The following EEA1 variants were observed in gnomAD, a reference collection of about 807,000 sequenced individuals.
The protein encoded by EEA1 is early endosome antigen 1.
Under a neutral mutation model 209.2 loss-of-function variants are expected in EEA1, and 111 were observed. The ratio of observed to expected loss-of-function variants is 0.53; its 90% CI spans 0.45 to 0.62. The LOEUF is 0.62. Ranked by LOEUF, EEA1 falls within the 20% of genes least tolerant of loss-of-function variation. EEA1 has a pLI of 0.00. For synonymous variants in EEA1, 536 were observed against 540.6 expected, an observed-to-expected ratio of 0.99 and a Z score of 0.12; for missense variants, 1,343 against 1,530.8, an observed-to-expected ratio of 0.88 and a Z score of 2.05.
At chr12:92,881,380 C>G (rs1879134734) in intron 2 of EEA1, among the ~76,000 whole-genome samples, 1 of 151,756 alleles carries the variant, frequency 6.6e-6, no homozygotes, top group Non-Finnish European at 1.5e-5. Context: ...CCACAATCAG[C>G]CTGGGCAACA....
At chr12:92,870,573 C>T (rs1820144490) in intron 2 of EEA1, among the ~76,000 whole-genome samples, 1 of 151,970 alleles carries the variant, frequency 6.6e-6, no homozygotes, top group African/African-American at 2.4e-5. Flanking sequence ...GGTGTTAAAA[C>T]AAAAATTGAG....
Position 92,832,679 on chromosome 12 carries a change from T to A in EEA1, c.1087A>T (p.Ile363Leu), listed in dbSNP as rs1310690090. 1.9e-6 allele frequency: 3 copies of A among 1,613,912 alleles called. No individual in the cohort carries two copies. The Admixed American group carries it at 5.0e-5, about 27-fold the overall frequency. Residue 363 changes from isoleucine to leucine, a missense_variant, in exon 11 of 29, where the codon ATA becomes TTA. Transcript: ENST00000322349. ...LSASETSLHR[I>L]HVELSEKGEA... ...CCTTTTTCACTTAGTTCTACATGTATTCTATGCAGTGAGGTTTCAGATGCA... is the reference window on the plus strand; with the variant it reads ...CCTTTTTCACTTAGTTCTACATGTAATCTATGCAGTGAGGTTTCAGATGCA...
intron 3 of EEA1, among the ~76,000 whole-genome samples, chr12:92,862,940 A>T (rs1221793246): frequency 2.6e-5 from 4 of 152,234 alleles, no homozygotes; most frequent in Admixed American, 2.6e-4. Context: ...CTCTGTTTTC[A>T]AAATGTCAAT....
At chr12:92,842,059 A>G (rs1171333730) in intron 10 of EEA1, among the ~76,000 whole-genome samples, 1 of 152,206 alleles carries the variant, frequency 6.6e-6, no homozygotes, top group Non-Finnish European at 1.5e-5. Flanking sequence ...AACACAAACG[A>G]ACCTTGAGGA....
chr12:92,889,156 T>TAAA (rs200345829), intron 2 of EEA1, among the ~76,000 whole-genome samples: 8 of 130,984 alleles, frequency 6.1e-5, no homozygotes, highest in African/African-American at 2.0e-4. Flanking sequence ...TCAAAAACAT[T>TAAA]AAAAAAAAAA....
intron 22 of EEA1, among the ~76,000 whole-genome samples, chr12:92,783,055 TG>T (rs1873974769): frequency 6.6e-6 from 1 of 152,298 alleles, no homozygotes; most frequent in African/African-American, 2.4e-5. Context: ...AATCAGTAAA[TG>T]TAAGTAAGTT....
At chr12:92,841,492 G>C (rs1359827206) in intron 10 of EEA1, among the ~76,000 whole-genome samples, 1 of 152,160 alleles carries the variant, frequency 6.6e-6, no homozygotes, top group South Asian at 2.1e-4. Flanking sequence ...CATTCCTACA[G>C]AATGGGATAA....
At chr12:92,820,337 C>A (rs1251359141) in intron 13 of EEA1, among the ~76,000 whole-genome samples, 12 of 152,164 alleles carry the variant, frequency 7.9e-5, no homozygotes, top group African/African-American at 2.9e-4. Context: ...ACCCAGCAAC[C>A]ATGTGGTACT....
chr12:92,800,173 G>T (rs1372457236), intron 20 of EEA1, among the ~76,000 whole-genome samples: 1 of 152,166 alleles, frequency 6.6e-6, no homozygotes, highest in Non-Finnish European at 1.5e-5. Flanking sequence ...AGTGAGCCGA[G>T]ATTGCGCCAC....
intron 1 of EEA1, among the ~76,000 whole-genome samples, chr12:92,909,752 G>T (rs1278400046): frequency 6.6e-6 from 1 of 152,088 alleles, no homozygotes; most frequent in Non-Finnish European, 1.5e-5. Context: ...CATGGTGGCT[G>T]ACACCTGTAA....
At chr12:92,798,388 T>G (rs963462088) in intron 21 of EEA1, among the ~76,000 whole-genome samples, 11 of 151,870 alleles carry the variant, frequency 7.2e-5, no homozygotes, top group African/African-American at 2.4e-4. Context: ...TCGCCCAGGC[T>G]GAAGTGCAGC....
intron 14 of EEA1, among the ~76,000 whole-genome samples, chr12:92,817,957 C>T (rs1018066722): frequency 7.2e-5 from 11 of 152,160 alleles, no homozygotes; most frequent in Non-Finnish European, 1.6e-4. Context: ...TTCTGATTGG[C>T]TGGAACCTGA....
At chr12:92,865,070 A>C in intron 2 of EEA1, 83 bp from the exon 3 acceptor site, 2 of 1,124,244 alleles carry the variant, frequency 1.8e-6, no homozygotes, top group Non-Finnish European at 2.4e-6. Context: ...ATATCACCAA[A>C]TGTCTGAATC....
intron 1 of EEA1, among the ~76,000 whole-genome samples, chr12:92,924,976 C>G (rs886239316): frequency 6.6e-6 from 1 of 151,732 alleles, no homozygotes; most frequent in Non-Finnish European, 1.5e-5. Flanking sequence ...GGAAGCCTTC[C>G]CAACATCTAA....
rs201228908 is a variant in EEA1, at chr12:92,887,000, AC to A, written c.117+4628del. 2.3e-3 allele frequency among the ~76,000 whole-genome samples: 99 copies of A among 43,786 alleles called. No homozygotes were observed. The South Asian group carries it at 0.041, about 18-fold the overall frequency. The allele number at this position is 43,786 out of a possible 152,430, so 28.7% of individuals were successfully genotyped here. A position where few individuals can be genotyped will look rare whatever the true frequency, so the allele number is the denominator to read the frequency against. On this transcript the variant is annotated intron_variant, in intron 2 of 28. Transcript: ENST00000322349. ...GGCAACAGAGCGGGACTCCATCTCA[AC>A]AAACAAACAAACAAACAAACAAACA...
At chr12:92,916,513 C>T (rs796102996) in intron 1 of EEA1, among the ~76,000 whole-genome samples, 60 of 149,012 alleles carry the variant, frequency 4.0e-4, no homozygotes, top group African/African-American at 1.5e-3. Context: ...ATTAGCTGGG[C>T]GCAGTACCAC....
intron 1 of EEA1, among the ~76,000 whole-genome samples, chr12:92,912,826 G>C (rs1260498077): frequency 1.3e-5 from 2 of 152,138 alleles, no homozygotes; most frequent in African/African-American, 2.4e-5. Flanking sequence ...ATTTCACTTA[G>C]GATAACGGCC....
chr12:92,916,964 C>T (rs1407629676), intron 1 of EEA1, among the ~76,000 whole-genome samples: 2 of 151,398 alleles, frequency 1.3e-5, no homozygotes, highest in African/African-American at 2.4e-5. Flanking sequence ...CCTCAGGAGC[C>T]GACGCGATCA....
chr12:92,797,405 T>A (rs941904104), intron 21 of EEA1, among the ~76,000 whole-genome samples: 3 of 152,182 alleles, frequency 2.0e-5, no homozygotes, highest in African/African-American at 7.2e-5. Context: ...TATTATTTTT[T>A]AATACTGTAC....
Sources: allele counts gnomAD v4.1 joint callset (sites outside exome capture counted in the v4.1 genomes callset), GRCh38; gene constraint gnomAD v4.1.1; transcripts MANE v1.5; gene names NCBI Gene and HGNC (gene_info 2026-07-23, HGNC 2026-07-21).